BMP2K: variants seen among roughly 807,000 people sequenced by gnomAD.
BMP2K encodes the protein BMP2 inducible kinase, also known as BMP-2-inducible protein kinase.
Under a neutral mutation model 116.0 loss-of-function variants are expected in BMP2K, and 74 were observed. That is an observed-to-expected ratio of 0.64 (90% CI 0.53 to 0.77). BMP2K has a LOEUF of 0.77. Ranked by LOEUF, BMP2K falls within the 30% of genes least tolerant of loss-of-function variation. The probability of loss-of-function intolerance (pLI) is 0.00; values close to 1 mark genes in which losing one functional copy is unlikely to be tolerated. For synonymous variants in BMP2K, 486 were observed against 502.5 expected (o/e 0.97, Z 0.44); for missense variants, 1,365 against 1,403.6 (o/e 0.97, Z 0.44).
intron 1 of BMP2K, among the ~76,000 whole-genome samples, chr4:78,793,427 T>A (rs960798691): frequency 7.5e-5 from 11 of 146,398 alleles, no homozygotes; most frequent in African/African-American, 2.8e-4. Flanking sequence ...AAAAAAAAAT[T>A]AAAAAAAAAG....
intron 1 of BMP2K, chr4:78,820,885 T>G (rs1364772196): frequency 1.3e-5 from 2 of 153,408 alleles, no homozygotes; most frequent in Admixed American, 1.3e-4. Flanking sequence ...ACTGTTTTTT[T>G]AATATTACAG....
chr4:78,857,771 G>T (rs1731572986), intron 7 of BMP2K, among the ~76,000 whole-genome samples: 1 of 152,022 alleles, frequency 6.6e-6, no homozygotes. Flanking sequence ...CGGAGAATTT[G>T]CTCTCTAGCT....
intron 1 of BMP2K, among the ~76,000 whole-genome samples, chr4:78,789,242 A>G (rs751865535): frequency 7.9e-5 from 12 of 152,220 alleles, no homozygotes; most frequent in Non-Finnish European, 1.2e-4. Flanking sequence ...AATGAACCCA[A>G]AGTCACATTA....
chr4:78,816,027 A>T (rs1020291059), intron 1 of BMP2K, among the ~76,000 whole-genome samples: 7 of 152,182 alleles, frequency 4.6e-5, no homozygotes, highest in Non-Finnish European at 8.8e-5. Context: ...ATTGCATAGA[A>T]TGACCCTCAC....
intron 1 of BMP2K, among the ~76,000 whole-genome samples, chr4:78,811,774 C>T (rs991397959): frequency 6.6e-6 from 1 of 152,114 alleles, no homozygotes; most frequent in Non-Finnish European, 1.5e-5. Context: ...TTTCTCTCGG[C>T]CAATTTATAA....
Position 78,817,500 on chromosome 4 carries a change from A to G in BMP2K, c.179-8537A>G, listed in dbSNP as rs563817591. Among the ~76,000 whole-genome samples the G allele has an allele frequency of 1.1e-3, 169 of 152,342 alleles. 2 individuals carry two copies. Among genetic ancestry groups the G allele is most frequent in the Middle Eastern group, 0.01 (3 of 294 alleles). On this transcript the variant is annotated intron_variant, in intron 1 of 15. Transcript: ENST00000502613. ...ACGAATGAACAAGATGAACAGGTACATAGCACAAGGAGGTCTGGAAGGGTG... is the reference window on the plus strand; with the variant it reads ...ACGAATGAACAAGATGAACAGGTACGTAGCACAAGGAGGTCTGGAAGGGTG...
Position 78,819,578 on chromosome 4 carries a change from T to G in BMP2K, c.179-6459T>G, listed in dbSNP as rs544642700. 8.5e-5 allele frequency among the ~76,000 whole-genome samples: 13 copies of G among 152,298 alleles called. No individual in the cohort carries two copies. The East Asian group carries it at 1.5e-3, about 18-fold the overall frequency. On this transcript the variant is annotated intron_variant, in intron 1 of 15. Coordinates refer to ENST00000502613, the MANE Select transcript of BMP2K (RefSeq NM_198892.2). The stretch of plus-strand genomic sequence containing the variant: ...AGAATAGTCCTATGAGGAGATCTTA[T>G]TATCTCTGCTGAATGTATAAGGAAA...
chr4:78,891,189 T>A (rs2110080311), intron 15 of BMP2K, among the ~76,000 whole-genome samples: 1 of 152,342 alleles, frequency 6.6e-6, no homozygotes, highest in Middle Eastern at 3.4e-3. Flanking sequence ...TTTTAGCTTC[T>A]CATATTTCTG....
At chr4:78,872,049 G>A (rs1732385178) in intron 12 of BMP2K, 101 bp downstream of exon 12, 1 of 862,334 alleles carries the variant, frequency 1.2e-6, no homozygotes, top group African/African-American at 1.7e-5. Flanking sequence ...TCAAAATCAA[G>A]TAAGTTAATT....
chr4:78,914,401 A>G lies in BMP2K; in HGVS notation c.*2368A>G, dbSNP rs1302941601. On this transcript the variant is annotated 3_prime_UTR_variant, in exon 16 of 16. Coordinates refer to ENST00000502613, the MANE Select transcript of BMP2K (RefSeq NM_198892.2). ...GCTCAGAGAAAAGATACAGGATTCA[A>G]TTGGGGGTTCAATAGGATAGAAATG... The G allele has an allele frequency of 2.0e-5, 3 of 152,008 alleles. No homozygotes were observed. The highest frequency in any genetic ancestry group is 1.3e-4 in the Admixed American group (2 of 15,238). 9.4% of individuals were successfully genotyped at this position (152,008 alleles called of 1,614,324 possible). A position where few individuals can be genotyped will look rare whatever the true frequency, so the allele number is the denominator to read the frequency against.
intron 7 of BMP2K, 158 bp from the exon 8 acceptor site, chr4:78,859,426 A>C (rs1731661550): frequency 2.1e-6 from 1 of 486,578 alleles, no homozygotes; most frequent in East Asian, 3.3e-5. Flanking sequence ...TAAAATAGCA[A>C]TTTCTGCATT....
chr4:78,833,604 A>G lies in BMP2K; in HGVS notation c.320A>G (p.Asn107Ser), dbSNP rs200365695. ...TIMKELSGHKNIVGYLDCAVN... is the reference protein window; with the variant it reads ...TIMKELSGHKSIVGYLDCAVN... Reference sequence around the variant, plus strand: ...CAGAAAGAGCTATCTGGTCACAAAAATATTGTGGGCTATTTGGACTGTGCT... The same window carrying G: ...CAGAAAGAGCTATCTGGTCACAAAAGTATTGTGGGCTATTTGGACTGTGCT... The change falls in exon 3 of 16, where the codon AAT becomes AGT. Residue 107 changes from asparagine (N) to serine (S), a missense_variant. Asn to Ser is a conservative substitution (Grantham distance 46, BLOSUM62 1). Around this residue, in one of 3 missense-constraint regions of BMP2K, gnomAD observed 762 missense variants for 756.7 expected, o/e 1.01. Coordinates refer to ENST00000502613, the MANE Select transcript of BMP2K (RefSeq NM_198892.2). 4.6e-5 allele frequency: 73 copies of G among 1,597,250 alleles called. No homozygotes were observed. Among genetic ancestry groups the G allele is most frequent in the Admixed American group, 1.8e-5 (1 of 55,438 alleles).
At chr4:78,864,067 C>A (rs549960577) in intron 9 of BMP2K, among the ~76,000 whole-genome samples, 15 of 152,214 alleles carry the variant, frequency 9.9e-5, no homozygotes, top group African/African-American at 3.6e-4. Context: ...ATGTACAATA[C>A]ATATTACTGT....
At chr4:78,833,732 T>A in intron 3 of BMP2K, 45 bp downstream of exon 3, 2 of 1,296,548 alleles carry the variant, frequency 1.5e-6, no homozygotes, top group Non-Finnish European at 1.1e-6. Flanking sequence ...AGTTTCTCCT[T>A]AAATGGGTTA....
chr4:78,882,800 T>C (rs1732925721), intron 14 of BMP2K, among the ~76,000 whole-genome samples: 1 of 152,040 alleles, frequency 6.6e-6, no homozygotes. Context: ...TTCTACTGAA[T>C]GTTGTTGTTT....
At chr4:78,843,235 C>T (rs1730845533) in intron 4 of BMP2K, among the ~76,000 whole-genome samples, 1 of 151,932 alleles carries the variant, frequency 6.6e-6, no homozygotes, top group Non-Finnish European at 1.5e-5. Context: ...TCTGACTACC[C>T]TTTCCACTCC....
chr4:78,865,707 C>G lies in BMP2K; in HGVS notation c.1218C>G (p.Asn406Lys). The G allele has an allele frequency of 6.2e-7, 1 of 1,614,004 alleles. No individual in the cohort carries two copies. The highest frequency in any genetic ancestry group is 1.3e-5 in the African/African-American group (1 of 75,036). Residue 406 changes from asparagine to lysine, a missense_variant, in exon 10 of 16, where the codon AAC (asparagine) becomes AAG (lysine). By Grantham distance (94) the Asn-to-Lys change is moderately conservative. Coordinates refer to ENST00000502613, the MANE Select transcript of BMP2K (RefSeq NM_198892.2). ...VKVLAPGEFGNHRPKGALRPG... is the reference protein window; with the variant it reads ...VKVLAPGEFGKHRPKGALRPG... Reference sequence around the variant, plus strand: ...TCCTTGCTCCTGGTGAATTCGGTAACCATAGACCAAAAGGTAATAGAGCCC... The same window carrying G: ...TCCTTGCTCCTGGTGAATTCGGTAAGCATAGACCAAAAGGTAATAGAGCCC...
Position 78,872,582 on chromosome 4 carries a change from A to G in BMP2K, c.1609-32A>G, listed in dbSNP as rs1253275035. 3.1e-6 allele frequency: 5 copies of G among 1,598,664 alleles called. No individual in the cohort carries two copies. In the East Asian group the frequency reaches 9.0e-5, roughly 29 times the overall value. Reference sequence around the variant, plus strand: ...GCTGACAGTGCTTTAGGACTGGAGCATTGTTTTGTATAATATCATTTCTTT... The same window carrying G: ...GCTGACAGTGCTTTAGGACTGGAGCGTTGTTTTGTATAATATCATTTCTTT... On this transcript the variant is annotated intron_variant, in intron 12 of 15. Transcript: ENST00000502613.
intron 15 of BMP2K, among the ~76,000 whole-genome samples, chr4:78,889,334 A>C (rs1277957831): frequency 1.3e-5 from 2 of 152,042 alleles, no homozygotes; most frequent in Admixed American, 1.3e-4. Flanking sequence ...AAAAGTATAT[A>C]GACTGGAATA....
Sources: gnomAD v4.1 joint callset for allele counts (sites outside exome capture counted in the v4.1 genomes callset) on GRCh38, gnomAD v4.1.1 for gene constraint, gnomAD v4.1.1 regional missense constraint, MANE v1.5 for transcripts, NCBI Gene and HGNC (gene_info 2026-07-23, HGNC 2026-07-21) for gene names.